Variants in ARMH3 observed in about 807,000 individuals in gnomAD.
ARMH3 encodes the protein armadillo like helical domain containing 3, also known as armadillo-like helical domain-containing protein 3.
ARMH3 carries 60 observed loss-of-function variants against 99.1 expected under a neutral mutation model. The observed-to-expected ratio is 0.61, with a 90% CI of 0.49 to 0.75. The LOEUF is 0.75. Ranked by LOEUF, ARMH3 falls within the 30% of genes least tolerant of loss-of-function variation. The pLI, the probability that ARMH3 is intolerant of heterozygous loss-of-function variation, is 0.00. For missense variants in ARMH3, 679 were observed against 843.1 expected, an observed-to-expected ratio of 0.81 and a Z score of 2.41; for synonymous variants, 285 against 292.8, an observed-to-expected ratio of 0.97 and a Z score of 0.27.
At chr10:101,955,749 G>A (rs1402138147) in intron 22 of ARMH3, among the ~76,000 whole-genome samples, 16 of 152,192 alleles carry the variant, frequency 1.1e-4, no homozygotes, top group Non-Finnish European at 2.4e-4. Context: ...AGTGGGTGAA[G>A]GTGGTGAAGG....
intron 20 of ARMH3, among the ~76,000 whole-genome samples, chr10:101,973,804 A>AC (rs1179021283): frequency 7.2e-5 from 11 of 152,234 alleles, no homozygotes; most frequent in Non-Finnish European, 1.6e-4. Flanking sequence ...CTTGTTTAGT[A>AC]CTACAATGTG....
chr10:102,052,067 A>C (rs2067720596), intron 1 of ARMH3, among the ~76,000 whole-genome samples: 1 of 152,168 alleles, frequency 6.6e-6, no homozygotes, highest in African/African-American at 2.4e-5. Flanking sequence ...CCTGTAAATT[A>C]ATACTTTCTC....
intron 1 of ARMH3, among the ~76,000 whole-genome samples, chr10:102,042,657 T>C (rs1299230092): frequency 6.6e-6 from 1 of 152,220 alleles, no homozygotes; most frequent in African/African-American, 2.4e-5. Flanking sequence ...ACATAAAGTC[T>C]TCTCCTCCTG....
At chr10:101,966,637 C>A (rs1033890799) in intron 20 of ARMH3, among the ~76,000 whole-genome samples, 1 of 152,102 alleles carries the variant, frequency 6.6e-6, no homozygotes. Context: ...ACACACACCC[C>A]ACAAGGAACC....
At chr10:101,848,880 A>C (rs2066520601) in intron 25 of ARMH3, among the ~76,000 whole-genome samples, 1 of 152,070 alleles carries the variant, frequency 6.6e-6, no homozygotes, top group Non-Finnish European at 1.5e-5. Flanking sequence ...CTTTACACTA[A>C]TGGTTTCTGT....
chr10:101,863,101 G>T (rs1054687632), intron 24 of ARMH3, among the ~76,000 whole-genome samples: 1 of 152,084 alleles, frequency 6.6e-6, no homozygotes, highest in Non-Finnish European at 1.5e-5. Context: ...TACTCGGGAG[G>T]CTGAGGCAGG....
chr10:102,033,662 C>T (rs2067186636), intron 2 of ARMH3, among the ~76,000 whole-genome samples: 1 of 152,152 alleles, frequency 6.6e-6, no homozygotes, highest in Non-Finnish European at 1.5e-5. Context: ...TCATGATCCG[C>T]CCGCCTCAGA....
At chr10:102,033,539 C>T in intron 2 of ARMH3, 200 bp from the exon 3 acceptor site, 1 of 528,114 alleles carries the variant, frequency 1.9e-6, no homozygotes. Context: ...CCGCCTCAGC[C>T]TCCTGAGTAG....
At chr10:101,865,511 C>CA (rs1021254446) in intron 24 of ARMH3, among the ~76,000 whole-genome samples, 1 of 151,818 alleles carries the variant, frequency 6.6e-6, no homozygotes, top group African/African-American at 2.4e-5. Flanking sequence ...TTTTTTGAGA[C>CA]AGAGTCTCAC....
intron 19 of ARMH3, among the ~76,000 whole-genome samples, chr10:101,985,950 G>A (rs1199968745): frequency 3.3e-5 from 5 of 151,814 alleles, no homozygotes; most frequent in African/African-American, 7.3e-5. Flanking sequence ...CCTGGGGGGC[G>A]GAGGTTGCAG....
chr10:102,008,267 C>A (rs1223830993), intron 13 of ARMH3, among the ~76,000 whole-genome samples: 3 of 152,172 alleles, frequency 2.0e-5, no homozygotes, highest in African/African-American at 7.2e-5. Flanking sequence ...TGTTAAAATT[C>A]AAATCAATAG....
At chr10:102,019,526 C>A (rs1191053631) in intron 8 of ARMH3, among the ~76,000 whole-genome samples, 5 of 152,096 alleles carry the variant, frequency 3.3e-5, no homozygotes, top group African/African-American at 1.2e-4. Flanking sequence ...CTTCCAAATG[C>A]GGAGGTGAAA....
intron 23 of ARMH3, among the ~76,000 whole-genome samples, chr10:101,924,448 G>A (rs557702923): frequency 1.3e-5 from 2 of 148,508 alleles, no homozygotes; most frequent in African/African-American, 2.5e-5. Flanking sequence ...TGCAAGCTCC[G>A]CCTCCCAGGT....
Position 102,013,969 on chromosome 10 carries a change from T to C in ARMH3, c.725A>G (p.Asn242Ser), listed in dbSNP as rs1306582162. ...ATACACAAGGATCCAGATACTCACA[T>C]TGAGTGTGGCCTCATCATCCACGAT... ...LSIVDDEATL[N>S]GMGLVIAQAL... Residue 242 changes from asparagine (N) to serine (S), a missense_variant and splice_region_variant, in exon 9 of 26, where the codon AAT becomes AGT. Asn to Ser is a conservative substitution (Grantham distance 46). This residue lies in a region of ARMH3 where 280 missense variants were observed against 354.6 expected (regional missense o/e 0.79). Coordinates refer to ENST00000370033, the MANE Select transcript of ARMH3 (RefSeq NM_024541.3). 3 of 1,603,754 alleles carry C rather than the reference T, an allele frequency of 1.9e-6. No homozygotes were observed. The highest frequency in any genetic ancestry group is 2.6e-6 in the Non-Finnish European group (3 of 1,173,554).
intron 1 of ARMH3, among the ~76,000 whole-genome samples, chr10:102,051,223 A>G (rs2067696320): frequency 6.6e-6 from 1 of 152,070 alleles, no homozygotes; most frequent in Non-Finnish European, 1.5e-5. Context: ...CTGTAATATC[A>G]GCACTTTGGG....
At chr10:101,973,011 GA>G (rs1046838211) in intron 20 of ARMH3, among the ~76,000 whole-genome samples, 41 of 151,900 alleles carry the variant, frequency 2.7e-4, no homozygotes, top group Admixed American at 8.5e-4. Context: ...CTAGTGAGAA[GA>G]AAAAAATGCT....
At chr10:101,864,701 C>G (rs2066957594) in intron 24 of ARMH3, among the ~76,000 whole-genome samples, 1 of 152,076 alleles carries the variant, frequency 6.6e-6, no homozygotes, top group Non-Finnish European at 1.5e-5. Flanking sequence ...AATGAGAACA[C>G]TTGGACACAG....
At chr10:102,034,789 T>A (rs1435414311) in intron 2 of ARMH3, among the ~76,000 whole-genome samples, 3 of 152,048 alleles carry the variant, frequency 2.0e-5, no homozygotes, top group Non-Finnish European at 2.9e-5. Flanking sequence ...ATGCCTGTAA[T>A]CCCAGCTACT....
At chr10:102,036,050 C>A (rs1385796478) in intron 2 of ARMH3, among the ~76,000 whole-genome samples, 1 of 150,616 alleles carries the variant, frequency 6.6e-6, no homozygotes, top group African/African-American at 2.4e-5. Flanking sequence ...GCGTCTCCGC[C>A]CGGCCGCCCC....
Sources: gnomAD v4.1 joint callset for allele counts (sites outside exome capture counted in the v4.1 genomes callset) on GRCh38, gnomAD v4.1.1 for gene constraint, gnomAD v4.1.1 regional missense constraint, MANE v1.5 for transcripts, NCBI Gene and HGNC (gene_info 2026-07-23, HGNC 2026-07-21) for gene names.